Variants in CEP192 observed in about 807,000 individuals in gnomAD.
CEP192 encodes the protein centrosomal protein 192, also known as centrosomal protein of 192 kDa.
In CEP192, 151 loss-of-function variants were observed where a neutral mutation model predicts 271.8. The ratio of observed to expected loss-of-function variants is 0.56; its 90% CI spans 0.49 to 0.64. The LOEUF is 0.64. Ranked by LOEUF, CEP192 falls within the 30% of genes least tolerant of loss-of-function variation. CEP192 has a pLI of 0.00. For missense variants in CEP192, 2,910 were observed against 3,020.5 expected (o/e 0.96, Z 0.86); for synonymous variants, 995 against 1,076.5 (o/e 0.92, Z 1.48).
intron 5 of CEP192, 56 bp downstream of exon 5, chr18:13,013,081 T>C: frequency 2.3e-6 from 2 of 866,240 alleles, no homozygotes; most frequent in Non-Finnish European, 3.6e-6. Context: ...CAGTAAAATT[T>C]CATATTTCGC....
At chr18:13,120,921 CAAAG>C (rs2040628902) in intron 44 of CEP192, among the ~76,000 whole-genome samples, 1 of 152,156 alleles carries the variant, frequency 6.6e-6, no homozygotes, top group Non-Finnish European at 1.5e-5. Context: ...TTATTTTACG[CAAAG>C]AAAGGTGGAA....
rs143483550 is a variant in CEP192, at chr18:13,084,337, C to A, written c.5617-2680C>A. Among the ~76,000 whole-genome samples the A allele has an allele frequency of 4.2e-3, 640 of 152,292 alleles. 5 individuals are homozygous for A. Among genetic ancestry groups the A allele is most frequent in the African/African-American group, 0.014 (594 of 41,562 alleles). On this transcript the variant is annotated intron_variant, in intron 30 of 44. Coordinates refer to ENST00000506447, the MANE Select transcript of CEP192 (RefSeq NM_032142.4). ...ACTCAAGCCTCAGCAATGGTGGATGCCCCTCCCCCCGTCAGGCTACTGCCT... is the reference window on the plus strand; with the variant it reads ...ACTCAAGCCTCAGCAATGGTGGATGACCCTCCCCCCGTCAGGCTACTGCCT...
chr18:13,079,089 A>G (rs180876600), intron 30 of CEP192, among the ~76,000 whole-genome samples: 17 of 152,338 alleles, frequency 1.1e-4, no homozygotes, highest in African/African-American at 2.9e-4. Flanking sequence ...TAGTGCCGCA[A>G]TAAACATATG....
At chr18:12,997,913 C>T (rs1470703423) in intron 1 of CEP192, among the ~76,000 whole-genome samples, 2 of 151,918 alleles carry the variant, frequency 1.3e-5, no homozygotes, top group African/African-American at 2.4e-5. Flanking sequence ...TTAGTAGAGA[C>T]GAGGTTTTAC....
chr18:13,047,376 C>T (rs1448014911), intron 15 of CEP192, among the ~76,000 whole-genome samples: 2 of 152,104 alleles, frequency 1.3e-5, no homozygotes, highest in Non-Finnish European at 2.9e-5. Flanking sequence ...CACACACACA[C>T]ACCTCCTAAC....
Position 13,113,797 on chromosome 18 carries a change from A to C in CEP192, c.7167+92A>C, listed in dbSNP as rs2040313004. 5.4e-6 allele frequency: 6 copies of C among 1,103,502 alleles called. No individual in the cohort carries two copies. The South Asian group carries it at 8.0e-5, about 15-fold the overall frequency. The allele number at this position is 1,103,502 out of a possible 1,614,324, so 68.4% of individuals were successfully genotyped here. ...AGAAAAGTTGGCCTGAAAATGCAGA[A>C]TATAGCCCCATAATCTTAATTTTCT... is the stretch of plus-strand genomic sequence containing the variant. On this transcript the variant is annotated intron_variant, in intron 41 of 44. Transcript: ENST00000506447.
rs759607578 is a variant in CEP192 at position 13,059,330 on chromosome 18, A to G, written c.4488+18A>G. 6.3e-7 allele frequency: 1 copy of G among 1,585,080 alleles called. No individual in the cohort carries two copies. The highest frequency in any genetic ancestry group is 8.7e-7 in the Non-Finnish European group (1 of 1,153,760). On this transcript the variant is annotated intron_variant, in intron 21 of 44. Coordinates refer to ENST00000506447, the MANE Select transcript of CEP192 (RefSeq NM_032142.4). ...TTATTGAGGTACCTGTTTGAAAATGAATCTTTGTCATACCTGGCATTTTAA... is the reference window on the plus strand; with the variant it reads ...TTATTGAGGTACCTGTTTGAAAATGGATCTTTGTCATACCTGGCATTTTAA...
intron 44 of CEP192, among the ~76,000 whole-genome samples, chr18:13,121,771 C>T (rs2040671410): frequency 6.6e-6 from 1 of 152,208 alleles, no homozygotes; most frequent in African/African-American, 2.4e-5. Flanking sequence ...TGTCCTTGCA[C>T]AGTGCAAGGT....
intron 15 of CEP192, among the ~76,000 whole-genome samples, chr18:13,044,795 T>TCC (rs1339997917): frequency 1.3e-5 from 2 of 152,184 alleles, no homozygotes; most frequent in East Asian, 3.8e-4. Flanking sequence ...ATCAAGGTTT[T>TCC]ACTGGTCTCA....
intron 30 of CEP192, among the ~76,000 whole-genome samples, chr18:13,084,413 C>T (rs147985880): frequency 5.3e-5 from 8 of 152,276 alleles, no homozygotes; most frequent in African/African-American, 1.7e-4. Context: ...GCTCTGTGGG[C>T]GTGGGACCTG....
intron 37 of CEP192, 96 bp downstream of exon 37, chr18:13,099,677 A>G (rs376991811): frequency 2.2e-5 from 14 of 637,838 alleles, no homozygotes; most frequent in East Asian, 1.7e-4. Flanking sequence ...TCAGAAATCA[A>G]ATGAAAGCGT....
intron 11 of CEP192, among the ~76,000 whole-genome samples, chr18:13,035,655 C>T (rs961479671): frequency 2.6e-5 from 4 of 152,108 alleles, no homozygotes; most frequent in South Asian, 2.1e-4. Context: ...TTCCTACTTC[C>T]CTTCTCTTGG....
intron 9 of CEP192, among the ~76,000 whole-genome samples, chr18:13,021,611 A>T (rs1433372744): frequency 6.6e-6 from 1 of 152,144 alleles, no homozygotes; most frequent in Non-Finnish European, 1.5e-5. Flanking sequence ...TTCCATATGA[A>T]TTTGAAGATC....
chr18:13,088,948 A>G lies in CEP192; in HGVS notation c.5994-508A>G, dbSNP rs779584466. On this transcript the variant is annotated intron_variant, in intron 32 of 44. Transcript: ENST00000506447. ...TTCTCTCAATTGGGATATAGAAATC[A>G]GCGTATTGTTTTCAAACTCTTTGCC... 45 of 430,378 alleles carry G rather than the reference A, an allele frequency of 1.0e-4. 3 individuals are homozygous for G. The highest frequency in any genetic ancestry group is 7.6e-4 in the South Asian group (45 of 59,268). The allele number at this position is 430,378 out of a possible 1,614,324, so 26.7% of individuals were successfully genotyped here.
At chr18:13,075,456 C>T (rs1010026286) in intron 30 of CEP192, among the ~76,000 whole-genome samples, 2 of 152,168 alleles carry the variant, frequency 1.3e-5, no homozygotes, top group East Asian at 1.9e-4. Flanking sequence ...GTCCCAGCTA[C>T]TCGGGAGGCT....
chr18:13,068,567 A>G (rs1033356859), intron 24 of CEP192, 145 bp downstream of exon 24: 3 of 770,884 alleles, frequency 3.9e-6, no homozygotes, highest in East Asian at 5.3e-5. Context: ...GGCAGATGGC[A>G]TGCTGTTTTG....
intron 40 of CEP192, among the ~76,000 whole-genome samples, chr18:13,109,085 T>C (rs2040087035): frequency 6.6e-6 from 1 of 152,116 alleles, no homozygotes; most frequent in East Asian, 1.9e-4. Flanking sequence ...ACTAAAAAGA[T>C]ACATGCACTT....
intron 38 of CEP192, among the ~76,000 whole-genome samples, chr18:13,102,615 T>A (rs2039764272): frequency 6.6e-6 from 1 of 152,098 alleles, no homozygotes; most frequent in Non-Finnish European, 1.5e-5. Flanking sequence ...GTTGACTTGA[T>A]CTCCCAGCAC....
intron 34 of CEP192, among the ~76,000 whole-genome samples, chr18:13,093,843 A>G (rs1957416802): frequency 1.3e-5 from 2 of 152,246 alleles, no homozygotes; most frequent in African/African-American, 2.4e-5. Context: ...AAAGCATTCC[A>G]TAGATAAGGA....
Sources: gnomAD v4.1 joint callset for allele counts (sites outside exome capture counted in the v4.1 genomes callset) on GRCh38, gnomAD v4.1.1 for gene constraint, MANE v1.5 for transcripts, NCBI Gene and HGNC (gene_info 2026-07-23, HGNC 2026-07-21) for gene names.